Variants in SPATS2L observed in about 807,000 individuals in gnomAD.
SPATS2L encodes the protein spermatogenesis associated serine rich 2 like, also known as SPATS2-like protein.
Under a neutral mutation model 59.6 loss-of-function variants are expected in SPATS2L, and 30 were observed. The observed-to-expected ratio is 0.50, with a 90% confidence interval of 0.38 to 0.68. The LOEUF (loss-of-function observed/expected upper bound fraction) is 0.68. Ranked by LOEUF, SPATS2L falls within the 30% of genes least tolerant of loss-of-function variation. SPATS2L has a pLI of 0.00. For synonymous variants in SPATS2L, 252 were observed against 263.5 expected (o/e 0.96, Z 0.42); for missense variants, 615 against 700.0 (o/e 0.88, Z 1.37).
intron 1 of SPATS2L, among the ~76,000 whole-genome samples, chr2:200,321,646 CAAA>C (rs2079562712): frequency 6.6e-6 from 1 of 152,144 alleles, no homozygotes; most frequent in Non-Finnish European, 1.5e-5. Context: ...ATTGTGATCA[CAAA>C]GAACACCACA....
At chr2:200,318,020 A>G (rs541713552) in intron 1 of SPATS2L, among the ~76,000 whole-genome samples, 1 of 152,294 alleles carries the variant, frequency 6.6e-6, no homozygotes, top group South Asian at 2.1e-4. Context: ...TTTTGATTGG[A>G]GGCAATATTG....
intron 3 of SPATS2L, among the ~76,000 whole-genome samples, chr2:200,409,160 A>G (rs1425193234): frequency 6.6e-6 from 1 of 152,222 alleles, no homozygotes; most frequent in Admixed American, 6.5e-5. Flanking sequence ...CAGCCTCTGC[A>G]AAACAGCCGC....
chr2:200,379,443 C>T (rs2081721816), intron 2 of SPATS2L, among the ~76,000 whole-genome samples: 1 of 152,164 alleles, frequency 6.6e-6, no homozygotes, highest in South Asian at 2.1e-4. Flanking sequence ...CCAGCATTCC[C>T]CACAGACCCT....
intron 1 of SPATS2L, among the ~76,000 whole-genome samples, chr2:200,328,852 G>A (rs1281798461): frequency 6.6e-6 from 1 of 152,154 alleles, no homozygotes; most frequent in East Asian, 1.9e-4. Flanking sequence ...GTACTTTATA[G>A]GATATCTTTT....
At chr2:200,329,350 G>T in intron 1 of SPATS2L, 81 bp from the exon 2 acceptor site, 1 of 1,169,344 alleles carries the variant, frequency 8.6e-7, no homozygotes. Context: ...CCTGTGCTTG[G>T]GTTTTGAGTG....
At chr2:200,305,909 G>C (rs974846272), upstream of SPATS2L, 1 of 227,724 alleles carries the variant, frequency 4.4e-6, no homozygotes, top group African/African-American at 2.3e-5. Context: ...TCTGGAAGAA[G>C]AGTGTTATCT....
intron 4 of SPATS2L, among the ~76,000 whole-genome samples, chr2:200,413,887 TAA>T (rs1284285855): frequency 6.6e-6 from 1 of 152,214 alleles, no homozygotes; most frequent in Non-Finnish European, 1.5e-5. Flanking sequence ...AAGAGATACA[TAA>T]TTTTTAGTCA....
intron 3 of SPATS2L, among the ~76,000 whole-genome samples, chr2:200,397,973 T>C (rs753305324): frequency 3.2e-4 from 49 of 152,172 alleles, no homozygotes; most frequent in Non-Finnish European, 5.9e-4. Flanking sequence ...GCAAATCTGA[T>C]AGCTTGAAAG....
chr2:200,457,979 G>A (rs1433767910), intron 8 of SPATS2L, among the ~76,000 whole-genome samples: 1 of 152,202 alleles, frequency 6.6e-6, no homozygotes, highest in Non-Finnish European at 1.5e-5. Flanking sequence ...GATGATAACA[G>A]TGTTTTGAAG....
At position 200,434,301 on chromosome 2, in the gene SPATS2L, GCTGTGTAATA is replaced by G. The variant is rs563354558; in HGVS notation, c.446-4818_446-4809del. 9.2e-5 allele frequency among the ~76,000 whole-genome samples: 14 copies of G among 152,176 alleles called. No individual in the cohort carries two copies. In the South Asian group the frequency reaches 2.9e-3, roughly 32 times the overall value. On this transcript the variant is annotated intron_variant, in intron 6 of 12. Transcript: ENST00000409140. ...CTAATAAATACATGGAAACTCTACA[GCTGTGTAATA>G]CTTGATAAAATACTGAATGCAGTTT...
rs1217514189 is a variant in SPATS2L at position 200,416,487 on chromosome 2, T to C, written c.198+59T>C. On this transcript the variant is annotated intron_variant, in intron 5 of 12. Transcript: ENST00000409140. The stretch of plus-strand genomic sequence containing the variant: ...CTTCAATCAAAACCTTCATGGTTGT[T>C]ATCATTTTAACAAGGCTGCCAATTT... 6 of 1,035,204 alleles carry C rather than the reference T, an allele frequency of 5.8e-6. No homozygotes were observed. The African/African-American group carries it at 8.4e-5, about 14-fold the overall frequency. 64.1% of individuals were successfully genotyped at this position (1,035,204 alleles called of 1,614,324 possible).
At chr2:200,307,699 C>T (rs1202687112) in intron 1 of SPATS2L, among the ~76,000 whole-genome samples, 1 of 152,208 alleles carries the variant, frequency 6.6e-6, no homozygotes, top group African/African-American at 2.4e-5. Flanking sequence ...GCTGAAGGGC[C>T]GAGTCTTCAC....
At position 200,344,405 on chromosome 2, in the gene SPATS2L, CT is replaced by C. The variant is rs1209565724; in HGVS notation, c.-23+14932del. Among the ~76,000 whole-genome samples the C allele has an allele frequency of 2.8e-4, 43 of 152,194 alleles. 1 individual carries two copies. Among genetic ancestry groups the C allele is most frequent in the East Asian group, 7.7e-4 (4 of 5,184 alleles). The stretch of plus-strand genomic sequence containing the variant: ...TTTACACAAAAGACATGATTTTGTT[CT>C]TTTTTTATGGCTGCATAGTATTCCA... On this transcript the variant is annotated intron_variant, in intron 2 of 12. Coordinates refer to ENST00000409140, the MANE Select transcript of SPATS2L (RefSeq NM_001100423.2).
chr2:200,423,374 A>G (rs1374119170), intron 6 of SPATS2L, among the ~76,000 whole-genome samples: 1 of 152,190 alleles, frequency 6.6e-6, no homozygotes, highest in East Asian at 1.9e-4. Context: ...GTTAAGCTGT[A>G]GACACTCTGT....
At chr2:200,330,611 A>G (rs973249835) in intron 2 of SPATS2L, among the ~76,000 whole-genome samples, 4 of 152,170 alleles carry the variant, frequency 2.6e-5, no homozygotes, top group African/African-American at 4.8e-5. Context: ...AAGAGTTACT[A>G]TGTAGATCCT....
intron 2 of SPATS2L, among the ~76,000 whole-genome samples, chr2:200,384,869 T>C (rs1157164915): frequency 1.3e-5 from 2 of 152,218 alleles, no homozygotes; most frequent in Non-Finnish European, 2.9e-5. Flanking sequence ...GAAAAAAGTT[T>C]TAAAAAATGT....
intron 8 of SPATS2L, among the ~76,000 whole-genome samples, chr2:200,446,314 G>A (rs2085039759): frequency 6.6e-6 from 1 of 152,160 alleles, no homozygotes; most frequent in Non-Finnish European, 1.5e-5. Context: ...CAGCCTAGGT[G>A]ACAGAGTGAG....
intron 6 of SPATS2L, among the ~76,000 whole-genome samples, chr2:200,438,873 C>T (rs188551173): frequency 4.5e-4 from 69 of 152,168 alleles, no homozygotes; most frequent in Admixed American, 1.2e-3. Flanking sequence ...TCAGAGATGC[C>T]CAGGGTCACT....
At chr2:200,392,125 T>C (rs2082190758) in intron 3 of SPATS2L, among the ~76,000 whole-genome samples, 1 of 152,214 alleles carries the variant, frequency 6.6e-6, no homozygotes, top group South Asian at 2.1e-4. Flanking sequence ...TTTTGTATGC[T>C]GATGAGCTGA....
Sources: allele counts gnomAD v4.1 joint callset (sites outside exome capture counted in the v4.1 genomes callset), GRCh38; gene constraint gnomAD v4.1.1; transcripts MANE v1.5; gene names NCBI Gene and HGNC (gene_info 2026-07-23, HGNC 2026-07-21).